ZEB1: variants seen among roughly 807,000 people sequenced by gnomAD.
The protein encoded by ZEB1 is zinc finger E-box binding homeobox 1, also known as zinc finger E-box-binding homeobox 1.
Under a neutral mutation model 84.9 loss-of-function variants are expected in ZEB1, and 21 were observed. The observed-to-expected ratio is 0.25, with a 90% CI of 0.18 to 0.36. The LOEUF is 0.36. ZEB1 is among the 10% of genes least tolerant of loss of function. The pLI, the probability that ZEB1 is intolerant of heterozygous loss-of-function variation, is 1.00. For missense variants in ZEB1, 1,104 were observed against 1,330.2 expected (o/e 0.83, Z 2.65); for synonymous variants, 420 against 471.1 (o/e 0.89, Z 1.41).
At chr10:31,455,135 C>T (rs1302588641) in intron 1 of ZEB1, among the ~76,000 whole-genome samples, 3 of 152,180 alleles carry the variant, frequency 2.0e-5, no homozygotes, top group African/African-American at 7.2e-5. Flanking sequence ...TGATCTTTGA[C>T]AAACCTGACA....
intron 3 of ZEB1, among the ~76,000 whole-genome samples, chr10:31,496,564 A>T (rs1161867411): frequency 6.6e-6 from 1 of 152,098 alleles, no homozygotes; most frequent in African/African-American, 2.4e-5. Flanking sequence ...TAAGAGAGCC[A>T]GAACTGTTAG....
At chr10:31,399,413 T>A (rs981733882) in intron 1 of ZEB1, among the ~76,000 whole-genome samples, 1 of 152,188 alleles carries the variant, frequency 6.6e-6, no homozygotes, top group Non-Finnish European at 1.5e-5. Context: ...TTAATCAGCC[T>A]TGGTGTCACC....
intron 1 of ZEB1, among the ~76,000 whole-genome samples, chr10:31,352,607 T>C (rs946056486): frequency 8.5e-5 from 13 of 152,162 alleles, no homozygotes; most frequent in African/African-American, 3.1e-4. Context: ...CTCACTTACA[T>C]AGCTGGCAGT....
chr10:31,471,553 T>G (rs1378184143), intron 2 of ZEB1, among the ~76,000 whole-genome samples: 2 of 143,936 alleles, frequency 1.4e-5, no homozygotes, highest in Non-Finnish European at 3.1e-5. Context: ...GCACCCAGAT[T>G]CATAAAGCAA....
Position 31,491,775 on chromosome 10 carries a change from A to T in ZEB1, c.260-4001A>T, listed in dbSNP as rs144582999. 1.3e-3 allele frequency among the ~76,000 whole-genome samples: 204 copies of T among 152,018 alleles called. 4 individuals are homozygous for T. In the South Asian group the frequency reaches 0.031, roughly 23 times the overall value. On this transcript the variant is annotated intron_variant, in intron 2 of 8. Coordinates refer to ENST00000424869, the MANE Select transcript of ZEB1 (RefSeq NM_001174096.2). Reference sequence around the variant, plus strand: ...ATTAACTGGATCTGACCTCAGGTATATATTTTTAATCATTATCTAAGTTAA... The same window carrying T: ...ATTAACTGGATCTGACCTCAGGTATTTATTTTTAATCATTATCTAAGTTAA...
At chr10:31,462,180 A>T (rs1264716270) in intron 2 of ZEB1, among the ~76,000 whole-genome samples, 5 of 152,218 alleles carry the variant, frequency 3.3e-5, no homozygotes, top group African/African-American at 1.2e-4. Context: ...GAAATATGGA[A>T]GTGTAGATAA....
At chr10:31,512,901 G>A (rs748511064) in intron 5 of ZEB1, among the ~76,000 whole-genome samples, 2 of 152,062 alleles carry the variant, frequency 1.3e-5, no homozygotes, top group Non-Finnish European at 2.9e-5. Context: ...ACATAAGAAA[G>A]CCTTGAGGCC....
At chr10:31,440,485 G>C (rs1329964980) in intron 1 of ZEB1, among the ~76,000 whole-genome samples, 2 of 152,044 alleles carry the variant, frequency 1.3e-5, no homozygotes, top group Non-Finnish European at 2.9e-5. Context: ...CATTCCCTTT[G>C]AAAACTGGCG....
chr10:31,385,283 C>T (rs1005687077), intron 1 of ZEB1, among the ~76,000 whole-genome samples: 3 of 152,126 alleles, frequency 2.0e-5, no homozygotes, highest in Non-Finnish European at 4.4e-5. Flanking sequence ...GTATTTTATA[C>T]TCTGAAATGA....
At chr10:31,492,950 A>C (rs2066738843) in intron 2 of ZEB1, among the ~76,000 whole-genome samples, 1 of 151,966 alleles carries the variant, frequency 6.6e-6, no homozygotes, top group Non-Finnish European at 1.5e-5. Context: ...TGACATAATA[A>C]TAGATTCACA....
chr10:31,372,993 A>G (rs2045977506), intron 1 of ZEB1: 1 of 985,144 alleles, frequency 1.0e-6, no homozygotes, highest in Admixed American at 6.2e-5. Flanking sequence ...TGTGGGAACA[A>G]CTTAATAAAG....
chr10:31,438,280 A>G (rs2058509690), intron 1 of ZEB1, among the ~76,000 whole-genome samples: 1 of 152,240 alleles, frequency 6.6e-6, no homozygotes, highest in Admixed American at 6.5e-5. Context: ...ATGAATAGGA[A>G]AGGTAAATGT....
chr10:31,369,767 G>A (rs2045361859), intron 1 of ZEB1, among the ~76,000 whole-genome samples: 1 of 151,906 alleles, frequency 6.6e-6, no homozygotes, highest in Non-Finnish European at 1.5e-5. Context: ...GTTTTTTTGG[G>A]GGAAACTTCC....
intron 1 of ZEB1, among the ~76,000 whole-genome samples, chr10:31,339,496 G>A (rs1004208532): frequency 1.3e-5 from 2 of 152,088 alleles, no homozygotes; most frequent in African/African-American, 2.4e-5. Flanking sequence ...AAGGCCAGGC[G>A]CCGTGGCTCA....
intron 1 of ZEB1, among the ~76,000 whole-genome samples, chr10:31,449,084 C>G (rs2060193833): frequency 6.6e-6 from 1 of 152,256 alleles, no homozygotes. Flanking sequence ...GCGTAGGACC[C>G]TCTGAGCCAG....
At chr10:31,409,269 G>C (rs1448206860) in intron 1 of ZEB1, among the ~76,000 whole-genome samples, 2 of 152,102 alleles carry the variant, frequency 1.3e-5, no homozygotes, top group Non-Finnish European at 2.9e-5. Flanking sequence ...AGGATGTGGA[G>C]AAATAGGAAC....
At chr10:31,497,579 T>C (rs760004252) in intron 3 of ZEB1, among the ~76,000 whole-genome samples, 15 of 152,142 alleles carry the variant, frequency 9.9e-5, no homozygotes, top group Non-Finnish European at 2.2e-4. Flanking sequence ...TTTGAGACTT[T>C]TGAGCAGTTA....
chr10:31,443,533 G>T (rs2059316964), intron 1 of ZEB1, among the ~76,000 whole-genome samples: 1 of 149,042 alleles, frequency 6.7e-6, no homozygotes, highest in Admixed American at 6.6e-5. Flanking sequence ...TCTAGCATTA[G>T]GTATATCTCC....
chr10:31,449,868 A>G (rs1257936367), intron 1 of ZEB1, among the ~76,000 whole-genome samples: 2 of 152,220 alleles, frequency 1.3e-5, no homozygotes, highest in Non-Finnish European at 2.9e-5. Flanking sequence ...TTTTGCATAT[A>G]TACCTATTTT....
Sources: allele counts gnomAD v4.1 joint callset (sites outside exome capture counted in the v4.1 genomes callset), GRCh38; gene constraint gnomAD v4.1.1; transcripts MANE v1.5; gene names NCBI Gene and HGNC (gene_info 2026-07-23, HGNC 2026-07-21).